BTBD8: variants seen among roughly 807,000 people sequenced by gnomAD.
The protein encoded by BTBD8 is BTB domain containing 8.
In BTBD8, 110 loss-of-function variants were observed where a neutral mutation model predicts 162.9. The ratio of observed to expected loss-of-function variants is 0.68; its 90% confidence interval spans 0.58 to 0.79. The LOEUF is 0.79. BTBD8 is among the 30% of genes least tolerant of loss of function. BTBD8 has a pLI of 0.00. For missense variants in BTBD8, 1,905 were observed against 2,085.4 expected, an observed-to-expected ratio of 0.91 and a Z score of 1.68; for synonymous variants, 667 against 716.1, an observed-to-expected ratio of 0.93 and a Z score of 1.10.
Position 92,180,412 on chromosome 1 carries a change from C to T in BTBD8, c.2729C>T (p.Pro910Leu). The T allele has an allele frequency of 6.4e-7, 1 of 1,551,494 alleles. No homozygotes were observed. Among genetic ancestry groups the T allele is most frequent in the South Asian group, 1.2e-5 (1 of 84,028 alleles). The change falls in exon 17 of 18, where the codon CCT (proline) becomes CTT (leucine). Residue 910 changes from proline (P) to leucine (L), a missense_variant. Around this residue, in one of 3 missense-constraint regions of BTBD8, gnomAD observed 1,374 missense variants for 1,442.7 expected, o/e 0.95. Coordinates refer to ENST00000636805, the MANE Select transcript of BTBD8 (RefSeq NM_001376131.1). ...KMVKQVHTAL[P>L]KVNAKIVAMP... ...GTCAAGCAAGTACACACAGCTTTGC[C>T]TAAGGTTAATGCAAAAATAGTGGCA... is the stretch of plus-strand genomic sequence containing the variant.
rs1255762027 is a variant in BTBD8, at chr1:92,139,159, T to G, written c.753-191T>G. ...CATACTAATAACCTTGTATAACTTA[T>G]ATAAAAATCCATTGTTGTAGTTCTG... On this transcript the variant is annotated intron_variant, in intron 5 of 17. Coordinates refer to ENST00000636805, the MANE Select transcript of BTBD8 (RefSeq NM_001376131.1). Among the ~76,000 whole-genome samples the G allele has an allele frequency of 3.3e-5, 5 of 152,334 alleles. No individual in the cohort carries two copies. In the East Asian group the frequency reaches 9.6e-4, roughly 29 times the overall value.
intron 1 of BTBD8, among the ~76,000 whole-genome samples, chr1:92,086,398 C>T (rs1054810134): frequency 6.6e-6 from 1 of 152,154 alleles, no homozygotes; most frequent in Non-Finnish European, 1.5e-5. Context: ...TTTTTCCCAA[C>T]ACTCAGCTTT....
At chr1:92,148,207 G>A (rs113947982) in intron 9 of BTBD8, among the ~76,000 whole-genome samples, 25 of 152,262 alleles carry the variant, frequency 1.6e-4, no homozygotes, top group African/African-American at 4.6e-4. Flanking sequence ...GTAAAAGGCC[G>A]TGCTTTGTTC....
chr1:92,175,947 G>A (rs926441455), intron 13 of BTBD8, among the ~76,000 whole-genome samples: 33 of 152,128 alleles, frequency 2.2e-4, no homozygotes, highest in African/African-American at 8.0e-4. Flanking sequence ...TTTATCTTCA[G>A]TGCCATTTTA....
chr1:92,174,381 G>A (rs948276206), intron 13 of BTBD8, among the ~76,000 whole-genome samples: 5 of 151,964 alleles, frequency 3.3e-5, no homozygotes, highest in African/African-American at 1.2e-4. Flanking sequence ...TGTAGAGGCG[G>A]GGTTTTGCCA....
intron 13 of BTBD8, among the ~76,000 whole-genome samples, chr1:92,172,633 C>A (rs1207494629): frequency 1.3e-5 from 2 of 152,172 alleles, no homozygotes; most frequent in East Asian, 3.9e-4. Flanking sequence ...GATAGACATA[C>A]ATTGAGAGTT....
At chr1:92,105,320 G>A (rs999798329) in intron 3 of BTBD8, among the ~76,000 whole-genome samples, 1 of 151,726 alleles carries the variant, frequency 6.6e-6, no homozygotes. Flanking sequence ...TGTCATGATC[G>A]CAGCTCACTG....
chr1:92,136,350 T>C (rs1343163786), intron 5 of BTBD8, among the ~76,000 whole-genome samples: 1 of 152,076 alleles, frequency 6.6e-6, no homozygotes, highest in Non-Finnish European at 1.5e-5. Flanking sequence ...TTCTTTTTTT[T>C]TTTTTTCTTT....
intron 2 of BTBD8, among the ~76,000 whole-genome samples, chr1:92,097,540 CT>C (rs1420476773): frequency 6.6e-6 from 1 of 152,206 alleles, no homozygotes; most frequent in Non-Finnish European, 1.5e-5. Flanking sequence ...GCAGCCACCC[CT>C]ATTTCCTCCT....
intron 9 of BTBD8, among the ~76,000 whole-genome samples, chr1:92,163,814 T>C (rs967628369): frequency 2.0e-5 from 3 of 152,218 alleles, no homozygotes; most frequent in African/African-American, 7.2e-5. Context: ...CAGATGAGTA[T>C]GGAATAAGAT....
At chr1:92,127,970 C>T (rs1057430310) in intron 4 of BTBD8, among the ~76,000 whole-genome samples, 10 of 152,146 alleles carry the variant, frequency 6.6e-5, no homozygotes, top group African/African-American at 1.2e-4. Flanking sequence ...GTATAAAAGG[C>T]CATCCTGCTA....
intron 4 of BTBD8, among the ~76,000 whole-genome samples, chr1:92,109,625 C>T (rs760969687): frequency 2.0e-5 from 3 of 152,076 alleles, no homozygotes; most frequent in Admixed American, 6.6e-5. Context: ...TTTTCTTGCC[C>T]TTATGTAAGT....
intron 9 of BTBD8, among the ~76,000 whole-genome samples, chr1:92,163,694 A>G: frequency 6.6e-6 from 1 of 152,016 alleles, no homozygotes; most frequent in African/African-American, 2.4e-5. Context: ...AAATTTTTAA[A>G]CTGTCGTTGT....
intron 2 of BTBD8, among the ~76,000 whole-genome samples, chr1:92,099,491 A>G (rs1402807500): frequency 6.6e-6 from 1 of 151,538 alleles, no homozygotes; most frequent in Non-Finnish European, 1.5e-5. Context: ...TTCAGAAAGT[A>G]CTACTATCTT....
intron 12 of BTBD8, among the ~76,000 whole-genome samples, chr1:92,169,544 A>G (rs1388033702): frequency 6.6e-6 from 1 of 152,190 alleles, no homozygotes. Flanking sequence ...AGCATTAAAC[A>G]AAAGATGTAT....
intron 5 of BTBD8, among the ~76,000 whole-genome samples, chr1:92,138,362 A>G (rs1477517337): frequency 1.3e-5 from 2 of 152,236 alleles, no homozygotes. Context: ...TCGGAAAGCA[A>G]AGGTGTCACT....
Position 92,153,604 on chromosome 1 carries a change from T to G in BTBD8, c.1122+5818T>G, listed in dbSNP as rs527246156. ...TTTGACTTGTAATGGAAGCATACAG[T>G]ATTTGCCTTTTCTGTGACTGGCCTA... On this transcript the variant is annotated intron_variant, in intron 9 of 17. Coordinates refer to ENST00000636805, the MANE Select transcript of BTBD8 (RefSeq NM_001376131.1). Among the ~76,000 whole-genome samples the G allele has an allele frequency of 1.7e-4, 26 of 152,340 alleles. No individual in the cohort carries two copies. The Middle Eastern group carries it at 0.017, about 100-fold the overall frequency.
chr1:92,120,948 A>G lies in BTBD8; in HGVS notation c.663-8739A>G, dbSNP rs184402127. On this transcript the variant is annotated intron_variant, in intron 4 of 17. Transcript: ENST00000636805. The stretch of plus-strand genomic sequence containing the variant: ...TGGCTAATTTTTGTATTTTTAGTAG[A>G]GACAGGGTTTTGCCACATTGGCCAG... Among the ~76,000 whole-genome samples, 45 of 152,284 alleles carry G rather than the reference A, an allele frequency of 3.0e-4. No homozygotes were observed. In the East Asian group the frequency reaches 8.1e-3, roughly 27 times the overall value.
intron 9 of BTBD8, among the ~76,000 whole-genome samples, chr1:92,160,150 G>A (rs1650247312): frequency 6.6e-6 from 1 of 151,650 alleles, no homozygotes; most frequent in African/African-American, 2.4e-5. Context: ...CTAGTCTGCT[G>A]TTGAACACCT....
Sources: allele counts gnomAD v4.1 joint callset (sites outside exome capture counted in the v4.1 genomes callset), GRCh38; gene constraint gnomAD v4.1.1; regional missense constraint gnomAD v4.1.1; transcripts MANE v1.5; gene names NCBI Gene and HGNC (gene_info 2026-07-23, HGNC 2026-07-21).